The following UTS2 variants were observed in gnomAD, a reference collection of about 807,000 sequenced individuals.
UTS2 encodes the protein urotensin-2.
UTS2 carries 10 observed loss-of-function variants against 12.6 expected under a neutral mutation model. That is an observed-to-expected ratio of 0.80 (90% CI 0.49 to 1.35). UTS2 has a LOEUF of 1.35. Among genes scored for constraint, UTS2 ranks in the 40% most tolerant of loss-of-function variants. The probability of loss-of-function intolerance (pLI) is 0.00; values close to 1 mark genes in which losing one functional copy is unlikely to be tolerated. For missense variants in UTS2, 142 were observed against 143.2 expected, an observed-to-expected ratio of 0.99 and a Z score of 0.04; for synonymous variants, 52 against 50.0, an observed-to-expected ratio of 1.04 and a Z score of -0.17.
At chr1:7,859,046 G>A in the UTS2 span, among the ~76,000 whole-genome samples, 18 of 152,186 alleles carry the variant, frequency 1.2e-4, no homozygotes, top group African/African-American at 4.1e-4. Flanking sequence ...ATGTTTGTGT[G>A]TGCTTTGAAT....
chr1:7,905,906 G>C, the UTS2 span, among the ~76,000 whole-genome samples: 1 of 151,800 alleles, frequency 6.6e-6, no homozygotes, highest in Non-Finnish European at 1.5e-5. Context: ...AAGTGGGGCA[G>C]TGTCTTGCCG....
At chr1:7,865,701 G>T in the UTS2 span, among the ~76,000 whole-genome samples, 2 of 152,206 alleles carry the variant, frequency 1.3e-5, no homozygotes, top group African/African-American at 4.8e-5. Flanking sequence ...GGGAGGCTGA[G>T]GTGAGAAGAT....
the UTS2 span, among the ~76,000 whole-genome samples, chr1:7,891,536 AAAAGAAAG>A: frequency 0.065 from 7,172 of 109,848 alleles, 239 homozygotes; most frequent in Non-Finnish European, 0.071. Flanking sequence ...AGAAAGAAAG[AAAAGAAAG>A]AAAGAAAGAA....
chr1:7,863,006 TTG>T, the UTS2 span, among the ~76,000 whole-genome samples: 2 of 20,280 alleles, frequency 9.9e-5, no homozygotes, highest in East Asian at 9.8e-4. Context: ...TTGTATTGTA[TTG>T]TATTGTATTG....
chr1:7,907,174 T>C, the UTS2 span, among the ~76,000 whole-genome samples: 9 of 152,074 alleles, frequency 5.9e-5, no homozygotes, highest in Non-Finnish European at 1.3e-4. Context: ...GAGAATTGCT[T>C]GAACCTGGGA....
At chr1:7,901,314 T>A in the UTS2 span, among the ~76,000 whole-genome samples, 1 of 152,166 alleles carries the variant, frequency 6.6e-6, no homozygotes, top group African/African-American at 2.4e-5. Context: ...TGGATTGGAT[T>A]CTAGAAATAC....
the UTS2 span, among the ~76,000 whole-genome samples, chr1:7,908,016 A>C: frequency 1.2e-5 from 1 of 84,314 alleles, no homozygotes; most frequent in East Asian, 3.7e-4. Context: ...AAATACAAAA[A>C]TTAAGCCAGG....
chr1:7,851,375 C>T (rs1269034211), intron 1 of UTS2, among the ~76,000 whole-genome samples: 4 of 152,190 alleles, frequency 2.6e-5, no homozygotes, highest in Non-Finnish European at 5.9e-5. Flanking sequence ...ATCACCTCTT[C>T]TTTTACTGAA....
At chr1:7,890,555 AT>A in the UTS2 span, among the ~76,000 whole-genome samples, 1 of 152,144 alleles carries the variant, frequency 6.6e-6, no homozygotes, top group African/African-American at 2.4e-5. Flanking sequence ...TTACAGATGC[AT>A]TTACGAAGAT....
At chr1:7,909,618 C>A in the UTS2 span, among the ~76,000 whole-genome samples, 3 of 151,136 alleles carry the variant, frequency 2.0e-5, no homozygotes, top group East Asian at 5.9e-4. Flanking sequence ...TCTTAAACAG[C>A]ACTATTTTAT....
chr1:7,848,678 C>T (rs2097410428), intron 3 of UTS2, among the ~76,000 whole-genome samples: 1 of 152,034 alleles, frequency 6.6e-6, no homozygotes, highest in Non-Finnish European at 1.5e-5. Flanking sequence ...TGCCACCACG[C>T]CTGGCTAAGT....
At chr1:7,858,654 G>A in the UTS2 span, among the ~76,000 whole-genome samples, 3 of 151,990 alleles carry the variant, frequency 2.0e-5, no homozygotes, top group African/African-American at 7.3e-5. Flanking sequence ...TCAGCTTACT[G>A]CAACCACCAC....
chr1:7,868,835 G>A, the UTS2 span, among the ~76,000 whole-genome samples: 1 of 152,284 alleles, frequency 6.6e-6, no homozygotes, highest in East Asian at 1.9e-4. Context: ...GGTGATTGGA[G>A]GTAGAGCAGA....
At chr1:7,862,978 T>TTGTTGTGTTG in the UTS2 span, among the ~76,000 whole-genome samples, 9 of 52,116 alleles carry the variant, frequency 1.7e-4, no homozygotes, top group East Asian at 4.1e-3. Context: ...CGGCCGTTAT[T>TTGTTGTGTTG]TATTGTGTTG....
chr1:7,897,541 G>A, the UTS2 span, among the ~76,000 whole-genome samples: 6 of 152,088 alleles, frequency 3.9e-5, no homozygotes, highest in Non-Finnish European at 2.9e-5. Context: ...AACATATTAT[G>A]TCTCTCCATT....
upstream of UTS2, among the ~76,000 whole-genome samples, chr1:7,855,638 C>T (rs1446787496): frequency 6.6e-6 from 1 of 151,926 alleles, no homozygotes; most frequent in Non-Finnish European, 1.5e-5. Context: ...CTGCCTCAGC[C>T]TCCCAAAGTG....
At chr1:7,856,707 G>A (rs1401523442), upstream of UTS2, among the ~76,000 whole-genome samples, 3 of 152,240 alleles carry the variant, frequency 2.0e-5, no homozygotes, top group South Asian at 2.1e-4. Context: ...GCACCCCCAT[G>A]TGCCAGCAGG....
the UTS2 span, among the ~76,000 whole-genome samples, chr1:7,869,892 C>T: frequency 5.3e-5 from 8 of 152,312 alleles, no homozygotes; most frequent in South Asian, 1.7e-3. Context: ...TCACTGATAT[C>T]AGAGGAGACT....
At chr1:7,907,641 TA>T in the UTS2 span, among the ~76,000 whole-genome samples, 840 of 131,436 alleles carry the variant, frequency 6.4e-3, 2 homozygotes, top group African/African-American at 0.011. Flanking sequence ...ACCATGTCTC[TA>T]AAAAAAAAAA....
Sources: gnomAD v4.1 joint callset for allele counts (sites outside exome capture counted in the v4.1 genomes callset) on GRCh38, gnomAD v4.1.1 for gene constraint, MANE v1.5 for transcripts, NCBI Gene and HGNC (gene_info 2026-07-23, HGNC 2026-07-21) for gene names.